Variants in NOVA1 observed in about 807,000 individuals in gnomAD.
NOVA1 encodes the protein NOVA alternative splicing regulator 1.
A neutral mutation model predicts 38.0 loss-of-function variants in NOVA1; 7 were observed. The ratio of observed to expected loss-of-function variants is 0.18; its 90% CI spans 0.10 to 0.35. The LOEUF (loss-of-function observed/expected upper bound fraction) is 0.35. Ranked by LOEUF, NOVA1 falls within the 10% of genes least tolerant of loss-of-function variation. The probability of loss-of-function intolerance (pLI) is 1.00; values close to 1 mark genes in which losing one functional copy is unlikely to be tolerated. For missense variants in NOVA1, 460 were observed against 616.0 expected (o/e 0.75, Z 2.68); for synonymous variants, 270 against 232.5 (o/e 1.16, Z -1.47).
In NOVA1 at chr14:26,448,812, C is replaced by G. The variant is rs768997006; in HGVS notation, c.671G>C (p.Ser224Thr). The change falls in exon 5 of 5, where the codon AGT (serine) becomes ACT (threonine). Residue 224 changes from serine (S) to threonine (T), a missense_variant. Physicochemically the swap from Ser to Thr is moderately conservative, Grantham distance 58. Transcript: ENST00000539517. This position sits in a 1 kb window ranked among gnomAD's most constrained non-coding sequence, Gnocchi z 5.3. ...TTTTCGGTTTTGTTCAGGTTCTCCACTCACAGTGACAACCCTCTCTTGCAA... is the reference window on the plus strand; with the variant it reads ...TTTTCGGTTTTGTTCAGGTTCTCCAGTCACAGTGACAACCCTCTCTTGCAA... ...INLQERVVTV[S>T]GEPEQNRKAV... The G allele has an allele frequency of 6.2e-7, 1 of 1,614,026 alleles. No individual in the cohort carries two copies. The highest frequency in any genetic ancestry group is 8.5e-7 in the Non-Finnish European group (1 of 1,180,038).
intron 4 of NOVA1, among the ~76,000 whole-genome samples, chr14:26,467,113 A>C (rs11848542): frequency 0.024 from 3,657 of 152,232 alleles, 148 homozygotes; most frequent in African/African-American, 0.084. Flanking sequence ...AAGAATTCCC[A>C]AGTATTGAGA....
chr14:26,498,666 C>T (rs1426947069), intron 2 of NOVA1, among the ~76,000 whole-genome samples: 2 of 152,092 alleles, frequency 1.3e-5, no homozygotes, highest in African/African-American at 4.8e-5. Flanking sequence ...CAAACAAACA[C>T]AACCCAATTT....
chr14:26,470,472 T>C (rs1346067409), intron 4 of NOVA1: 1 of 1,561,184 alleles, frequency 6.4e-7, no homozygotes. Context: ...CTTCATGATA[T>C]CCAGGAGATA....
intron 4 of NOVA1, among the ~76,000 whole-genome samples, chr14:26,451,933 A>T (rs1882717405): frequency 1.3e-5 from 2 of 152,208 alleles, no homozygotes; most frequent in Admixed American, 1.3e-4. Flanking sequence ...TGGCAAGATT[A>T]AAAAACTAAA....
At chr14:26,466,186 T>A (rs1166275077) in intron 4 of NOVA1, among the ~76,000 whole-genome samples, 2 of 152,180 alleles carry the variant, frequency 1.3e-5, no homozygotes, top group Non-Finnish European at 2.9e-5. Flanking sequence ...GTCAATGTGG[T>A]TGGGCCAACA....
chr14:26,503,338 G>A (rs1225094085), intron 2 of NOVA1, among the ~76,000 whole-genome samples: 2 of 151,854 alleles, frequency 1.3e-5, no homozygotes, highest in African/African-American at 4.8e-5. Flanking sequence ...CACACCAAAG[G>A]AAGAATGAAA....
chr14:26,561,045 T>G (rs1891788298), intron 2 of NOVA1, among the ~76,000 whole-genome samples: 1 of 152,178 alleles, frequency 6.6e-6, no homozygotes, highest in South Asian at 2.1e-4. Context: ...ATTAGTTGGA[T>G]TCTCATAAGG....
chr14:26,575,751 A>G (rs1340514312), intron 2 of NOVA1, among the ~76,000 whole-genome samples: 1 of 152,050 alleles, frequency 6.6e-6, no homozygotes, highest in Non-Finnish European at 1.5e-5. Context: ...GCATGATTAG[A>G]AAAAAAGTCA....
intron 2 of NOVA1, among the ~76,000 whole-genome samples, chr14:26,498,210 C>A (rs1267487701): frequency 6.6e-6 from 1 of 151,798 alleles, no homozygotes; most frequent in Admixed American, 6.6e-5. Context: ...CAGGCGCCCG[C>A]CACCACGCCC....
chr14:26,520,361 G>A (rs571034364), intron 2 of NOVA1, among the ~76,000 whole-genome samples: 3 of 152,290 alleles, frequency 2.0e-5, no homozygotes, highest in South Asian at 2.1e-4. Flanking sequence ...TGGTATCCAC[G>A]AAGGTGCTGA....
intron 2 of NOVA1, among the ~76,000 whole-genome samples, chr14:26,590,130 A>C (rs1289703395): frequency 6.6e-6 from 1 of 151,868 alleles, no homozygotes; most frequent in African/African-American, 2.4e-5. Flanking sequence ...ACTTGCTCCC[A>C]CTGGTCTACT....
rs180865684 is a variant in NOVA1 at position 26,544,270 on chromosome 14, A to T, written c.280+51140T>A. Among the ~76,000 whole-genome samples, 449 of 152,144 alleles carry T rather than the reference A, an allele frequency of 3.0e-3. 7 individuals are homozygous for T. Among genetic ancestry groups the T allele is most frequent in the Admixed American group, 0.025 (380 of 15,276 alleles). ...AACTAAGCAGGGTAGTCAAAACCAG[A>T]CAAATAAAGTGTCAACCGCATCAAG... On this transcript the variant is annotated intron_variant, in intron 2 of 4. Coordinates refer to ENST00000539517, the MANE Select transcript of NOVA1 (RefSeq NM_002515.3).
intron 3 of NOVA1, among the ~76,000 whole-genome samples, chr14:26,472,738 T>A (rs1295672816): frequency 1.3e-5 from 2 of 151,036 alleles, no homozygotes; most frequent in South Asian, 2.1e-4. Flanking sequence ...AAAAAAAAAA[T>A]TCAAGAAGTT....
chr14:26,498,200 C>G (rs1886962275), intron 2 of NOVA1, among the ~76,000 whole-genome samples: 1 of 151,756 alleles, frequency 6.6e-6, no homozygotes, highest in Non-Finnish European at 1.5e-5. Flanking sequence ...GCTGGGACTA[C>G]AGGCGCCCGC....
intron 2 of NOVA1, among the ~76,000 whole-genome samples, chr14:26,542,670 T>C (rs1268756429): frequency 1.4e-5 from 2 of 147,196 alleles, no homozygotes; most frequent in Admixed American, 6.8e-5. Flanking sequence ...TTTCTGACCA[T>C]ATCTAAAGAT....
chr14:26,555,610 TCA>T (rs1009393550), intron 2 of NOVA1, among the ~76,000 whole-genome samples: 1 of 152,122 alleles, frequency 6.6e-6, no homozygotes, highest in Non-Finnish European at 1.5e-5. Context: ...GAAAGAAATA[TCA>T]GTTACAAGTA....
At chr14:26,510,758 G>T (rs1366840203) in intron 2 of NOVA1, among the ~76,000 whole-genome samples, 2 of 151,938 alleles carry the variant, frequency 1.3e-5, no homozygotes, top group African/African-American at 2.4e-5. Context: ...AAAACTTTTT[G>T]GTTTCTCCTC....
chr14:26,468,016 C>T (rs1884280577), intron 4 of NOVA1, among the ~76,000 whole-genome samples: 1 of 152,098 alleles, frequency 6.6e-6, no homozygotes, highest in Admixed American at 6.6e-5. Context: ...ACTTACTTCT[C>T]ACTACAAGAA....
chr14:26,458,682 G>A (rs1883383290), intron 4 of NOVA1, among the ~76,000 whole-genome samples: 1 of 151,978 alleles, frequency 6.6e-6, no homozygotes, highest in Non-Finnish European at 1.5e-5. Context: ...GAGGTTGGGA[G>A]GGGGAATGGG....
Sources: allele counts gnomAD v4.1 joint callset (sites outside exome capture counted in the v4.1 genomes callset), GRCh38; gene constraint gnomAD v4.1.1; non-coding constraint Gnocchi (gnomAD v3.1); transcripts MANE v1.5; gene names NCBI Gene and HGNC (gene_info 2026-07-23, HGNC 2026-07-21).